POLA1: variants seen among roughly 807,000 people sequenced by gnomAD.
POLA1 encodes the protein DNA polymerase alpha catalytic subunit.
A neutral mutation model predicts 124.0 loss-of-function variants in POLA1; 15 were observed. That is an observed-to-expected ratio of 0.12 (90% CI 0.08 to 0.19). POLA1 has a LOEUF of 0.19. Among genes scored for constraint, POLA1 ranks in the 10% least tolerant of loss-of-function variants. The probability of loss-of-function intolerance (pLI) is 1.00; values close to 1 mark genes in which losing one functional copy is unlikely to be tolerated. For missense variants in POLA1, 886 were observed against 1,103.4 expected, an observed-to-expected ratio of 0.80 and a Z score of 2.79; for synonymous variants, 408 against 389.4, an observed-to-expected ratio of 1.05 and a Z score of -0.56.
chrX:24,732,332 C>T (rs201109093), intron 15 of POLA1, 38 bp from the exon 16 acceptor site: 15 of 811,619 alleles, frequency 1.8e-5, no homozygotes, highest in African/African-American at 1.0e-4. Context: ...TGTATAGTAG[C>T]GGTCTGGTAA....
At chrX:24,800,031 CT>C (rs983620431) in intron 26 of POLA1, among the ~76,000 whole-genome samples, 18 of 111,512 alleles carry the variant, frequency 1.6e-4, no homozygotes, top group African/African-American at 5.9e-4. Flanking sequence ...ATTAGCCCCC[CT>C]GGATGAGTTA....
chrX:24,991,057 C>T (rs1027052063), intron 36 of POLA1, among the ~76,000 whole-genome samples: 10 of 111,911 alleles, frequency 8.9e-5, no homozygotes, highest in African/African-American at 2.9e-4. Context: ...TTGCTTTTTT[C>T]TTAGAACTTT....
intron 26 of POLA1, among the ~76,000 whole-genome samples, chrX:24,770,022 C>G (rs2044995750): frequency 8.9e-6 from 1 of 112,388 alleles, no homozygotes; most frequent in Admixed American, 9.4e-5. Flanking sequence ...ACAGGAAACA[C>G]AGACATCAAC....
intron 26 of POLA1, among the ~76,000 whole-genome samples, chrX:24,798,257 A>G (rs2045645294): frequency 9.0e-6 from 1 of 111,542 alleles, no homozygotes; most frequent in Non-Finnish European, 1.9e-5. Flanking sequence ...AGAAAATGTG[A>G]TTGATAAATG....
intron 35 of POLA1, among the ~76,000 whole-genome samples, chrX:24,922,077 A>C (rs1340626314): frequency 2.8e-5 from 3 of 107,751 alleles, no homozygotes; most frequent in Non-Finnish European, 3.8e-5. Flanking sequence ...ATCGAAGAAA[A>C]CCCCCCCTTT....
intron 1 of POLA1, among the ~76,000 whole-genome samples, chrX:24,698,988 A>G (rs1307768853): frequency 2.7e-5 from 3 of 112,081 alleles, no homozygotes; most frequent in Non-Finnish European, 5.6e-5. Flanking sequence ...TACTTTGCAA[A>G]GAGTAGATGC....
chrX:24,791,282 A>C (rs1195392222), intron 26 of POLA1, among the ~76,000 whole-genome samples: 1 of 111,820 alleles, frequency 8.9e-6, no homozygotes, highest in African/African-American at 3.3e-5. Context: ...AGGAGATGTC[A>C]CTGACCCTGC....
At chrX:24,713,617 A>G (rs931453429) in intron 4 of POLA1, among the ~76,000 whole-genome samples, 2 of 110,601 alleles carry the variant, frequency 1.8e-5, no homozygotes, top group African/African-American at 3.3e-5. Context: ...GGGTTTCACC[A>G]TGTTGGCCAG....
chrX:24,832,656 T>C (rs900982615), intron 32 of POLA1, among the ~76,000 whole-genome samples: 1 of 111,903 alleles, frequency 8.9e-6, no homozygotes. Context: ...ATCAAGATCG[T>C]GTAGCTTATA....
chrX:24,743,449 C>T (rs1931799450), intron 23 of POLA1, 120 bp downstream of exon 23: 1 of 359,448 alleles, frequency 2.8e-6, no homozygotes, highest in African/African-American at 2.7e-5. Flanking sequence ...GGTCTCATGA[C>T]TTTTATCTTT....
chrX:24,912,470 A>G (rs1413572764), intron 35 of POLA1, among the ~76,000 whole-genome samples: 1 of 112,072 alleles, frequency 8.9e-6, no homozygotes, highest in Non-Finnish European at 1.9e-5. Flanking sequence ...ATATCTAACA[A>G]AGGTCCTGTA....
intron 36 of POLA1, among the ~76,000 whole-genome samples, chrX:24,981,164 A>G (rs1049408512): frequency 1.8e-5 from 2 of 112,205 alleles, no homozygotes; most frequent in African/African-American, 6.5e-5. Flanking sequence ...ACAGGATGAT[A>G]TTGTTGTTGT....
At chrX:24,802,060 G>A (rs760961055) in intron 26 of POLA1, among the ~76,000 whole-genome samples, 16 of 108,426 alleles carry the variant, frequency 1.5e-4, no homozygotes, top group Non-Finnish European at 3.1e-4. Flanking sequence ...CAGTTCGAAA[G>A]CAGTCTGCAG....
intron 1 of POLA1, among the ~76,000 whole-genome samples, chrX:24,698,720 C>T (rs1438878283): frequency 1.8e-5 from 2 of 111,429 alleles, no homozygotes; most frequent in East Asian, 5.6e-4. Flanking sequence ...ATGGTGCGAT[C>T]TCAGCTCGCT....
intron 36 of POLA1, among the ~76,000 whole-genome samples, chrX:24,954,955 T>C (rs1003121792): frequency 1.8e-5 from 2 of 111,718 alleles, no homozygotes; most frequent in African/African-American, 3.3e-5. Context: ...AAAAGGACTT[T>C]CAGTTTCATA....
rs151022301 is a variant in POLA1 at position 24,826,594 on chromosome X, G to A, written c.3729G>A (p.Thr1243=). 19 of 1,189,012 alleles carry A rather than the reference G, an allele frequency of 1.6e-5. No individual in the cohort carries two copies. Among genetic ancestry groups the A allele is most frequent in the Non-Finnish European group, 2.0e-5 (18 of 881,511 alleles). ...GAATTGATGCTGTCCTCATTGCAAC[G>A]TGGTTGGGTAAGTGTCCCAAGCTCA... The part of the protein sequence containing the change: ...IDGIDAVLIA[T]WLGLDPTQFR... Residue 1243 remains threonine (T), a synonymous_variant, in exon 32 of 37, where the codon ACG becomes ACA. Coordinates refer to ENST00000379068, the MANE Select transcript of POLA1 (RefSeq NM_001330360.2).
In POLA1 at chrX:24,716,893, T is replaced by C. The variant is rs1162810500; in HGVS notation, c.628T>C (p.Ser210Pro). Residue 210 changes from serine to proline, a missense_variant, in exon 8 of 37, where the codon TCA becomes CCA. Coordinates refer to ENST00000379068, the MANE Select transcript of POLA1 (RefSeq NM_001330360.2). ...TTAAAAACGTTTACAGGCAGTTCCTTCAGGAAAAATTGCTTCCCCTGTCTC... is the reference window on the plus strand; with the variant it reads ...TTAAAAACGTTTACAGGCAGTTCCTCCAGGAAAAATTGCTTCCCCTGTCTC... ...FSVHTATAVP[S>P]GKIASPVSRK... 4.2e-6 allele frequency: 5 copies of C among 1,186,335 alleles called. No homozygotes were observed. Among genetic ancestry groups the C allele is most frequent in the Non-Finnish European group, 5.7e-6 (5 of 874,386 alleles).
At chrX:24,901,369 G>T (rs2047275953) in intron 35 of POLA1, among the ~76,000 whole-genome samples, 1 of 111,238 alleles carries the variant, frequency 9.0e-6, no homozygotes, top group South Asian at 3.9e-4. Context: ...AGTATAAAGG[G>T]CCTAAGATAG....
intron 4 of POLA1, among the ~76,000 whole-genome samples, chrX:24,705,193 C>G (rs1231030215): frequency 9.0e-6 from 1 of 111,552 alleles, no homozygotes; most frequent in East Asian, 2.8e-4. Flanking sequence ...AATATAGTCA[C>G]AGAGTTGTGC....
Sources: allele counts gnomAD v4.1 joint callset (sites outside exome capture counted in the v4.1 genomes callset), GRCh38; gene constraint gnomAD v4.1.1; transcripts MANE v1.5; gene names NCBI Gene and HGNC (gene_info 2026-07-23, HGNC 2026-07-21).